ZNF385D: variants seen among roughly 807,000 people sequenced by gnomAD.
ZNF385D encodes the protein zinc finger protein 659.
In ZNF385D, 15 loss-of-function variants were observed where a neutral mutation model predicts 35.8. The observed-to-expected ratio is 0.42, with a 90% CI of 0.28 to 0.64. The LOEUF (loss-of-function observed/expected upper bound fraction) is 0.64, where lower values mean the gene tolerates loss of function less well. Ranked by LOEUF, ZNF385D falls within the 30% of genes least tolerant of loss-of-function variation. The pLI is 0.23. For missense variants in ZNF385D, 474 were observed against 494.6 expected (o/e 0.96, Z 0.39); for synonymous variants, 212 against 186.8 (o/e 1.13, Z -1.10).
chr3:21,705,893 C>T (rs1303327710), intron 1 of ZNF385D, among the ~76,000 whole-genome samples: 2 of 152,180 alleles, frequency 1.3e-5, no homozygotes, highest in African/African-American at 4.8e-5. Context: ...TCCTGCCACT[C>T]CCACACCAAG....
At chr3:21,658,453 TTTTC>T (rs751548437) in intron 2 of ZNF385D, among the ~76,000 whole-genome samples, 2 of 152,106 alleles carry the variant, frequency 1.3e-5, no homozygotes, top group South Asian at 2.1e-4. Flanking sequence ...TGCTTAGAAT[TTTTC>T]TTTCTTATTG....
At chr3:22,095,715 G>C (rs1363676109) in intron 3 of ZNF385D, among the ~76,000 whole-genome samples, 1 of 151,904 alleles carries the variant, frequency 6.6e-6, no homozygotes, top group East Asian at 1.9e-4. Flanking sequence ...TAAAATAAAA[G>C]TATTCTTTAT....
chr3:21,807,913 T>C (rs1190246479), intron 3 of ZNF385D, among the ~76,000 whole-genome samples: 1 of 152,202 alleles, frequency 6.6e-6, no homozygotes, highest in South Asian at 2.1e-4. Flanking sequence ...GTAAGCTAAA[T>C]TTATAGAAGG....
chr3:22,273,756 T>C (rs1701291049), intron 2 of ZNF385D, among the ~76,000 whole-genome samples: 1 of 151,956 alleles, frequency 6.6e-6, no homozygotes, highest in Non-Finnish European at 1.5e-5. Flanking sequence ...AATACGCAAA[T>C]GGCAAAACTA....
intron 1 of ZNF385D, among the ~76,000 whole-genome samples, chr3:21,695,902 T>C (rs979274068): frequency 3.3e-5 from 5 of 152,168 alleles, no homozygotes; most frequent in African/African-American, 1.2e-4. Flanking sequence ...CAAAGTACTT[T>C]GTAATTATAA....
At chr3:22,084,851 A>G (rs1700943200) in intron 3 of ZNF385D, among the ~76,000 whole-genome samples, 1 of 152,224 alleles carries the variant, frequency 6.6e-6, no homozygotes, top group South Asian at 2.1e-4. Context: ...GCAATGTAAA[A>G]GAACAGAAAT....
chr3:21,457,157 C>T (rs17273488), intron 4 of ZNF385D, among the ~76,000 whole-genome samples: 49,812 of 151,720 alleles, frequency 0.33, 8,662 homozygotes, highest in Middle Eastern at 0.49. Context: ...ATGAAACAAC[C>T]CAGAAAATAA....
chr3:22,166,277 G>A (rs1706323384), intron 3 of ZNF385D, among the ~76,000 whole-genome samples: 1 of 143,812 alleles, frequency 7.0e-6, no homozygotes. Context: ...ATCTGAATAG[G>A]AAATCCAGCA....
chr3:22,043,374 G>T (rs1009531685), intron 3 of ZNF385D, among the ~76,000 whole-genome samples: 3 of 152,002 alleles, frequency 2.0e-5, no homozygotes, highest in Non-Finnish European at 4.4e-5. Context: ...ATTTTTTAAC[G>T]TACTGAAACC....
chr3:22,092,204 C>T (rs55947541), intron 3 of ZNF385D, among the ~76,000 whole-genome samples: 30,209 of 152,094 alleles, frequency 0.2, 3,560 homozygotes, highest in Non-Finnish European at 0.26. Flanking sequence ...GGGGCTGGAA[C>T]CTGTAAACAT....
At chr3:22,133,681 C>CA (rs1052604510) in intron 3 of ZNF385D, 2 of 151,824 alleles carry the variant, frequency 1.3e-5, no homozygotes, top group African/African-American at 4.8e-5. Flanking sequence ...CAAAATATAT[C>CA]AAGCAACTAT....
chr3:21,590,455 T>C (rs1575266521), intron 2 of ZNF385D, among the ~76,000 whole-genome samples: 2 of 152,192 alleles, frequency 1.3e-5, no homozygotes, highest in East Asian at 1.9e-4. Context: ...ATATATACTT[T>C]GTATATTTGT....
chr3:21,895,937 G>T (rs890914321), intron 3 of ZNF385D, among the ~76,000 whole-genome samples: 1 of 152,070 alleles, frequency 6.6e-6, no homozygotes, highest in Non-Finnish European at 1.5e-5. Flanking sequence ...CTAATTTGTA[G>T]AACTTTTTAA....
chr3:21,556,068 G>GTTTTTTTTTTTTTTTTTTTTTTTTTT (rs148079775), intron 3 of ZNF385D, among the ~76,000 whole-genome samples: 10 of 99,052 alleles, frequency 1.0e-4, no homozygotes, highest in Non-Finnish European at 1.2e-4. Context: ...TTTTGTTTTT[G>GTTTTTTTTTTTTTTTTTTTTTTTTTT]TTTTTTTTTT....
At chr3:21,464,415 C>A (rs1002268270) in intron 4 of ZNF385D, among the ~76,000 whole-genome samples, 2 of 152,054 alleles carry the variant, frequency 1.3e-5, no homozygotes, top group Non-Finnish European at 2.9e-5. Context: ...AAATATATTT[C>A]TCTGCTTTCT....
Position 22,254,838 on chromosome 3 carries a change from A to G in ZNF385D, c.107-85803T>C, listed in dbSNP as rs534176367. Among the ~76,000 whole-genome samples, 19 of 151,920 alleles carry G rather than the reference A, an allele frequency of 1.3e-4. 1 individual carries two copies. The South Asian group carries it at 3.9e-3, about 32-fold the overall frequency. ...ATTCAAGTAACCCTTCTTTTACTTA[A>G]TAGTCCCAAAGTCCTTGTGCTTAGT... is the stretch of plus-strand genomic sequence containing the variant. On this transcript the variant is annotated intron_variant, in intron 2 of 5. Transcript: ENST00000494108.
intron 3 of ZNF385D, among the ~76,000 whole-genome samples, chr3:21,916,234 C>G (rs1023742293): frequency 1.3e-5 from 2 of 152,022 alleles, no homozygotes; most frequent in Non-Finnish European, 2.9e-5. Flanking sequence ...TTGGAATATT[C>G]AAAAGTAATA....
intron 2 of ZNF385D, among the ~76,000 whole-genome samples, chr3:21,622,283 T>C (rs1324776766): frequency 1.3e-5 from 2 of 152,176 alleles, no homozygotes; most frequent in African/African-American, 4.8e-5. Flanking sequence ...TTCAATATCT[T>C]AAATTTGCCT....
chr3:22,247,688 G>T (rs796980434), intron 2 of ZNF385D, among the ~76,000 whole-genome samples: 15 of 151,668 alleles, frequency 9.9e-5, no homozygotes, highest in African/African-American at 3.6e-4. Context: ...GGAATGCAGT[G>T]GTGCGATCTT....
Sources: gnomAD v4.1 joint callset for allele counts (sites outside exome capture counted in the v4.1 genomes callset) on GRCh38, gnomAD v4.1.1 for gene constraint, MANE v1.5 for transcripts, NCBI Gene and HGNC (gene_info 2026-07-23, HGNC 2026-07-21) for gene names.